Variants in PCDHA13 observed in about 807,000 individuals in gnomAD.
The protein encoded by PCDHA13 is protocadherin alpha-13.
Under a neutral mutation model 64.8 loss-of-function variants are expected in PCDHA13, and 54 were observed. That is an observed-to-expected ratio of 0.83 (90% confidence interval 0.67 to 1.04). The LOEUF is 1.04. Ranked by LOEUF, PCDHA13 falls within the 50% of genes least tolerant of loss-of-function variation. The pLI, the probability that PCDHA13 is intolerant of heterozygous loss-of-function variation, is 0.00. For synonymous variants in PCDHA13, 587 were observed against 564.4 expected (o/e 1.04, Z -0.57); for missense variants, 1,248 against 1,254.3 (o/e 0.99, Z 0.08).
intron 1 of PCDHA13, among the ~76,000 whole-genome samples, chr5:140,945,495 C>A (rs1585197828): frequency 6.6e-6 from 1 of 152,022 alleles, no homozygotes; most frequent in East Asian, 1.9e-4. Context: ...ATACCCAAAG[C>A]AATATTGAGC....
chr5:140,918,282 C>G (rs2078612020), intron 1 of PCDHA13, among the ~76,000 whole-genome samples: 1 of 152,016 alleles, frequency 6.6e-6, no homozygotes, highest in Non-Finnish European at 1.5e-5. Flanking sequence ...GATGTAGGAG[C>G]TTTTTGGCAG....
At chr5:140,939,987 C>T (rs2092516961) in intron 1 of PCDHA13, among the ~76,000 whole-genome samples, 1 of 152,060 alleles carries the variant, frequency 6.6e-6, no homozygotes. Flanking sequence ...TGAATTGTTT[C>T]TCCTTGGATT....
At chr5:140,896,946 T>A (rs2065814718) in intron 1 of PCDHA13, among the ~76,000 whole-genome samples, 1 of 152,134 alleles carries the variant, frequency 6.6e-6, no homozygotes, top group Non-Finnish European at 1.5e-5. Context: ...GGAATGGCCA[T>A]TCCCTTAAAC....
intron 1 of PCDHA13, among the ~76,000 whole-genome samples, chr5:140,921,816 G>A (rs2080411020): frequency 6.6e-6 from 1 of 151,846 alleles, no homozygotes; most frequent in Non-Finnish European, 1.5e-5. Context: ...ATACATGTGT[G>A]AATATCTATA....
At chr5:140,954,453 A>G (rs1489783264) in intron 1 of PCDHA13, among the ~76,000 whole-genome samples, 1 of 152,142 alleles carries the variant, frequency 6.6e-6, no homozygotes, top group East Asian at 1.9e-4. Flanking sequence ...ACTTGTTAAT[A>G]ATTGCCATTC....
intron 1 of PCDHA13, chr5:140,969,215 C>G (rs782320507): frequency 6.2e-7 from 1 of 1,614,128 alleles, no homozygotes; most frequent in South Asian, 1.1e-5. Flanking sequence ...CCAGACAGGA[C>G]CAGGGCCTTC....
rs529065220 is a variant in PCDHA13, at chr5:140,930,291, C to T, written c.2394+45629C>T. On this transcript the variant is annotated intron_variant, in intron 1 of 3. Transcript: ENST00000289272. ...TATTTTAGGGGACAAATACACTTAA[C>T]AAATAAGTAAATATCATATTTGAGA... The T allele has an allele frequency of 2.6e-5, 4 of 152,208 alleles. No homozygotes were observed. The South Asian group carries it at 8.3e-4, about 32-fold the overall frequency. 9.4% of individuals were successfully genotyped at this position (152,208 alleles called of 1,614,324 possible). A position where few individuals can be genotyped will look rare whatever the true frequency, so the allele number is the denominator to read the frequency against.
chr5:140,966,740 C>T lies in PCDHA13; in HGVS notation c.2395-12209C>T, dbSNP rs782420339. 10 of 1,422,580 alleles carry T rather than the reference C, an allele frequency of 7.0e-6. No individual in the cohort carries two copies. In the Admixed American group the frequency reaches 8.4e-5, roughly 12 times the overall value. 88.1% of individuals were successfully genotyped at this position (1,422,580 alleles called of 1,614,324 possible). ...GGAAGCTGCCGCCTCCGGCCCTGCC[C>T]GGCTGCCTCCGCCGCGGCCAGTGGC... On this transcript the variant is annotated intron_variant, in intron 1 of 3. Transcript: ENST00000289272.
chr5:140,903,818 T>A (rs1554191152), intron 1 of PCDHA13, among the ~76,000 whole-genome samples: 1 of 152,202 alleles, frequency 6.6e-6, no homozygotes. Context: ...AGTTCTCACA[T>A]GAATGTCTGT....
chr5:140,966,767 A>G, intron 1 of PCDHA13: 1 of 1,484,362 alleles, frequency 6.7e-7, no homozygotes, highest in Non-Finnish European at 8.9e-7. Context: ...GCCAGTGGCT[A>G]TGGAGCAGGC....
At chr5:141,005,985 T>C (rs2098249971) in intron 3 of PCDHA13, among the ~76,000 whole-genome samples, 1 of 151,848 alleles carries the variant, frequency 6.6e-6, no homozygotes, top group Non-Finnish European at 1.5e-5. Context: ...AAAGAGTGTT[T>C]GAGGATCTGA....
chr5:140,926,569 A>T (rs1245214494), intron 1 of PCDHA13: 1 of 261,750 alleles, frequency 3.8e-6, no homozygotes, highest in Admixed American at 5.3e-5. Context: ...CTGCTACTGG[A>T]GACAGCACCT....
chr5:140,910,982 T>C (rs1204318531), intron 1 of PCDHA13, among the ~76,000 whole-genome samples: 1 of 152,130 alleles, frequency 6.6e-6, no homozygotes, highest in Non-Finnish European at 1.5e-5. Flanking sequence ...GGTTATACTC[T>C]GAACCTCACC....
At chr5:140,995,082 C>G (rs145784301) in intron 3 of PCDHA13, among the ~76,000 whole-genome samples, 5 of 152,334 alleles carry the variant, frequency 3.3e-5, no homozygotes, top group Admixed American at 3.3e-4. Context: ...GCAATCCAAA[C>G]TTATCTGTGG....
chr5:140,975,461 G>A (rs2096668419), intron 1 of PCDHA13, among the ~76,000 whole-genome samples: 1 of 152,196 alleles, frequency 6.6e-6, no homozygotes, highest in Non-Finnish European at 1.5e-5. Context: ...GGCCATCTTG[G>A]AATTCTGCCT....
At chr5:140,947,949 AT>A (rs1326528139) in intron 1 of PCDHA13, among the ~76,000 whole-genome samples, 1 of 151,494 alleles carries the variant, frequency 6.6e-6, no homozygotes, top group African/African-American at 2.4e-5. Context: ...AGTGTTCCAT[AT>A]TTTACAATTA....
intron 1 of PCDHA13, among the ~76,000 whole-genome samples, chr5:140,934,646 T>C (rs1554210032): frequency 6.6e-6 from 1 of 152,116 alleles, no homozygotes; most frequent in African/African-American, 2.4e-5. Flanking sequence ...GCAGGATAAA[T>C]GTTTGATTCT....
chr5:140,986,397 C>G (rs943993265), intron 3 of PCDHA13, among the ~76,000 whole-genome samples: 1 of 152,162 alleles, frequency 6.6e-6, no homozygotes. Context: ...AAGGGCCAGT[C>G]GCTCATGTTA....
intron 1 of PCDHA13, among the ~76,000 whole-genome samples, chr5:140,909,815 C>A (rs1168197798): frequency 3.9e-5 from 6 of 152,094 alleles, no homozygotes; most frequent in Non-Finnish European, 8.8e-5. Flanking sequence ...ACTCCATAAG[C>A]CCCTACTTTA....
Sources: allele counts gnomAD v4.1 joint callset (sites outside exome capture counted in the v4.1 genomes callset), GRCh38; gene constraint gnomAD v4.1.1; transcripts MANE v1.5; gene names NCBI Gene and HGNC (gene_info 2026-07-23, HGNC 2026-07-21).